DNAH17: variants seen among roughly 807,000 people sequenced by gnomAD.
DNAH17 encodes dynein axonemal heavy chain 17, also known as axonemal beta dynein heavy chain 17.
A neutral mutation model predicts 485.6 loss-of-function variants in DNAH17; 376 were observed. That is an observed-to-expected ratio of 0.77 (90% CI 0.71 to 0.84). The LOEUF is 0.84. Among genes scored for constraint, DNAH17 ranks in the 40% least tolerant of loss-of-function variants. DNAH17 has a pLI of 0.00. For missense variants in DNAH17, 6,370 were observed against 5,839.3 expected (o/e 1.09, Z -2.96); for synonymous variants, 3,031 against 2,405.9 (o/e 1.26, Z -7.60).
chr17:78,470,150 T>A (rs962169308), intron 54 of DNAH17, among the ~76,000 whole-genome samples: 5 of 139,792 alleles, frequency 3.6e-5, no homozygotes, highest in African/African-American at 1.4e-4. Flanking sequence ...CTTGGCTCAC[T>A]TCAACCTCCG....
intron 69 of DNAH17, 25 bp from the exon 70 acceptor site, chr17:78,445,705 A>T (rs913381100): frequency 1.1e-5 from 17 of 1,583,198 alleles, no homozygotes; most frequent in Non-Finnish European, 1.4e-5. Context: ...AGGTGTACAC[A>T]CTTAACGCAG....
intron 26 of DNAH17, chr17:78,510,737 T>G: frequency 9.5e-6 from 4 of 419,434 alleles, no homozygotes; most frequent in Non-Finnish European, 1.7e-5. Flanking sequence ...GCACCTGCAC[T>G]GGGCGGAATT....
In DNAH17 at chr17:78,501,226, A is replaced by C; in HGVS notation, c.5441T>G (p.Leu1814Arg). Residue 1814 changes from leucine to arginine, a missense_variant, in exon 35 of 81, where the codon CTG (leucine) becomes CGG (arginine). Coordinates refer to ENST00000389840, the MANE Select transcript of DNAH17 (RefSeq NM_173628.4). ...GATGACCAGCCGCGGCGTGTTGCCCAGATACTCATAGGAATACTGGATTTG... is the reference window on the plus strand; with the variant it reads ...GATGACCAGCCGCGGCGTGTTGCCCCGATACTCATAGGAATACTGGATTTG... ...DAQIQYSYEY[L>R]GNTPRLVITP... The C allele has an allele frequency of 6.2e-7, 1 of 1,602,314 alleles. No homozygotes were observed. The highest frequency in any genetic ancestry group is 2.2e-5 in the East Asian group (1 of 44,470).
intron 26 of DNAH17, among the ~76,000 whole-genome samples, chr17:78,514,015 C>A (rs2090708699): frequency 6.6e-6 from 1 of 152,070 alleles, no homozygotes; most frequent in Admixed American, 6.6e-5. Flanking sequence ...AAGGCCAGTG[C>A]CTGCCAGTAC....
chr17:78,536,210 C>T (rs1242562524), intron 19 of DNAH17, among the ~76,000 whole-genome samples: 8 of 151,974 alleles, frequency 5.3e-5, no homozygotes, highest in African/African-American at 9.7e-5. Context: ...GAGGCCAAGG[C>T]GGGTGGATCA....
intron 48 of DNAH17, among the ~76,000 whole-genome samples, chr17:78,484,150 C>T (rs1186661303): frequency 7.4e-6 from 1 of 135,400 alleles, no homozygotes; most frequent in Non-Finnish European, 1.6e-5. Context: ...ATGTTCTCAT[C>T]TTTCCAAACT....
At chr17:78,508,376 C>CT (rs1339957366) in intron 27 of DNAH17, among the ~76,000 whole-genome samples, 10 of 152,354 alleles carry the variant, frequency 6.6e-5, no homozygotes, top group African/African-American at 2.4e-4. Flanking sequence ...CAGCTCTCAC[C>CT]TTCCAGCCTC....
intron 61 of DNAH17, 96 bp downstream of exon 61, chr17:78,458,905 C>A: frequency 7.5e-7 from 1 of 1,342,080 alleles, no homozygotes; most frequent in South Asian, 1.2e-5. Context: ...TTCATGACGG[C>A]GGGCCGTGCC....
In DNAH17 at chr17:78,571,754, G is replaced by T. The variant is rs1165069896; in HGVS notation, c.568C>A (p.Leu190Met). The change falls in exon 4 of 81, where the codon CTG (leucine) becomes ATG (methionine). Residue 190 changes from leucine (L) to methionine (M), a missense_variant. Coordinates refer to ENST00000389840, the MANE Select transcript of DNAH17 (RefSeq NM_173628.4). ...ATGATGGTGGTTTCAATGGCGTGCAGGAGCAAGTTGTCCAGTGAAGAGGGG... is the reference window on the plus strand; with the variant it reads ...ATGATGGTGGTTTCAATGGCGTGCATGAGCAAGTTGTCCAGTGAAGAGGGG... ...RIPSSLDNLLLHAIETTIIDW... is the reference protein window; with the variant it reads ...RIPSSLDNLLMHAIETTIIDW... The T allele has an allele frequency of 6.2e-7, 1 of 1,603,354 alleles. No individual in the cohort carries two copies. Among genetic ancestry groups the T allele is most frequent in the Admixed American group, 1.7e-5 (1 of 59,188 alleles).
At chr17:78,532,245 C>T (rs1314001522) in intron 20 of DNAH17, among the ~76,000 whole-genome samples, 2 of 152,360 alleles carry the variant, frequency 1.3e-5, no homozygotes, top group South Asian at 2.1e-4. Flanking sequence ...GCTCCCTCTG[C>T]CTCCTGACTG....
In DNAH17 at chr17:78,424,013, TGTACACG is replaced by T. The variant is rs1305450859; in HGVS notation, c.13275_13281del (p.Val4426LysfsTer15). 2 of 1,614,060 alleles carry T rather than the reference TGTACACG, an allele frequency of 1.2e-6. No individual in the cohort carries two copies. The highest frequency in any genetic ancestry group is 1.7e-5 in the Admixed American group (1 of 60,028). ...TAGGTGGGGCCGCGGATGCGTGTTTTGTACACGGGACACTCATAGATGTTCTTGGTCT... is the reference window on the plus strand; with the variant it reads ...TAGGTGGGGCCGCGGATGCGTGTTTTGGACACTCATAGATGTTCTTGGTCT... On this transcript the variant is annotated frameshift_variant, in exon 81 of 81. Transcript: ENST00000389840. LOFTEE classifies it high-confidence loss of function.
At chr17:78,525,595 C>T (rs560842916) in intron 24 of DNAH17, among the ~76,000 whole-genome samples, 17 of 152,384 alleles carry the variant, frequency 1.1e-4, no homozygotes, top group African/African-American at 2.2e-4. Flanking sequence ...AGTTGGCCGT[C>T]GTAGCACCTG....
rs749819405 is a variant in DNAH17, at chr17:78,574,742, C to T, written c.316G>A (p.Val106Met). The part of the protein sequence containing the change: ...LLYGDISPTP[V>M]DQLIAVVEEV... ...TCCACCACCGCGATCAGCTGGTCCA[C>T]GGGTGTGGGGCTGATGTCGCCGTAA... The change falls in exon 2 of 81, where the codon GTG (valine) becomes ATG (methionine). Residue 106 changes from valine (V) to methionine (M), a missense_variant. Physicochemically the swap from Val to Met is conservative, Grantham distance 21. Transcript: ENST00000389840. 2.3e-5 allele frequency: 37 copies of T among 1,611,784 alleles called. No individual in the cohort carries two copies. Among genetic ancestry groups the T allele is most frequent in the South Asian group, 4.4e-5 (4 of 90,852 alleles).
intron 69 of DNAH17, among the ~76,000 whole-genome samples, chr17:78,446,173 CAAAAAAAAAAA>C (rs1157464118): frequency 5.2e-5 from 3 of 57,392 alleles, no homozygotes; most frequent in Admixed American, 3.0e-4. Context: ...GACTCTGTCT[CAAAAAAAAAAA>C]AAAAAAAAAA....
intron 14 of DNAH17, among the ~76,000 whole-genome samples, chr17:78,553,437 G>T (rs2091954373): frequency 6.6e-6 from 1 of 151,830 alleles, no homozygotes; most frequent in African/African-American, 2.4e-5. Context: ...CAGTAGCTGG[G>T]ACTATAGGCA....
intron 48 of DNAH17, among the ~76,000 whole-genome samples, chr17:78,481,547 G>A (rs1202576143): frequency 3.3e-5 from 5 of 152,216 alleles, no homozygotes; most frequent in Admixed American, 2.6e-4. Flanking sequence ...GCTCTGGGAA[G>A]TTGGTTAACA....
intron 62 of DNAH17, among the ~76,000 whole-genome samples, chr17:78,457,233 T>C (rs1329035994): frequency 6.6e-6 from 1 of 152,134 alleles, no homozygotes; most frequent in Non-Finnish European, 1.5e-5. Flanking sequence ...TAGCCGGGTG[T>C]GGTGGCACGC....
intron 41 of DNAH17, chr17:78,493,255 G>A (rs1472691021): frequency 6.2e-6 from 1 of 160,188 alleles, no homozygotes; most frequent in Non-Finnish European, 1.4e-5. Context: ...TGAGGCGAAG[G>A]AGGCCTGGGT....
chr17:78,559,139 C>A (rs575906165), intron 13 of DNAH17, among the ~76,000 whole-genome samples: 16 of 152,346 alleles, frequency 1.1e-4, no homozygotes, highest in Non-Finnish European at 1.9e-4. Context: ...CATTTGTCAT[C>A]TCCGCTGAAT....
Sources: allele counts gnomAD v4.1 joint callset (sites outside exome capture counted in the v4.1 genomes callset), GRCh38; gene constraint gnomAD v4.1.1; transcripts MANE v1.5; gene names NCBI Gene and HGNC (gene_info 2026-07-23, HGNC 2026-07-21).